Variants in RBFOX1 observed in about 807,000 individuals in gnomAD.
The protein encoded by RBFOX1 is RNA binding protein fox-1 homolog 1.
A neutral mutation model predicts 57.7 loss-of-function variants in RBFOX1; 8 were observed. The observed-to-expected ratio is 0.14, with a 90% confidence interval of 0.08 to 0.25. RBFOX1 has a LOEUF of 0.25. Among genes scored for constraint, RBFOX1 ranks in the 10% least tolerant of loss-of-function variants. RBFOX1 has a pLI of 1.00. For synonymous variants in RBFOX1, 326 were observed against 222.4 expected (o/e 1.47, Z -4.15); for missense variants, 611 against 548.5 (o/e 1.11, Z -1.14).
chr16:6,925,692 G>A (rs1011752133), intron 3 of RBFOX1, among the ~76,000 whole-genome samples: 1 of 151,896 alleles, frequency 6.6e-6, no homozygotes, highest in African/African-American at 2.4e-5. Flanking sequence ...TGATATTTGA[G>A]CAAGTATTTG....
At chr16:6,765,113 T>C (rs865780361) in intron 3 of RBFOX1, among the ~76,000 whole-genome samples, 1 of 151,972 alleles carries the variant, frequency 6.6e-6, no homozygotes, top group South Asian at 2.1e-4. Flanking sequence ...TGCTCTAGGC[T>C]GATGGAACAG....
chr16:6,913,946 A>G (rs1038403993), intron 3 of RBFOX1, among the ~76,000 whole-genome samples: 3 of 152,208 alleles, frequency 2.0e-5, no homozygotes, highest in Non-Finnish European at 4.4e-5. Flanking sequence ...AGGATATTAT[A>G]ATTATGGATG....
chr16:6,420,372 A>AT (rs1021464983), intron 2 of RBFOX1, among the ~76,000 whole-genome samples: 7 of 151,836 alleles, frequency 4.6e-5, no homozygotes, highest in African/African-American at 1.7e-4. Flanking sequence ...TTCATTTTTT[A>AT]TTTTTTTACA....
intron 1 of RBFOX1, among the ~76,000 whole-genome samples, chr16:6,267,828 T>G (rs769391613): frequency 6.6e-5 from 10 of 152,104 alleles, no homozygotes; most frequent in Non-Finnish European, 1.3e-4. Flanking sequence ...AGGTTGGACA[T>G]CCTGTGACAG....
chr16:5,362,197 C>T (rs1047906510), intron 1 of RBFOX1, among the ~76,000 whole-genome samples: 6 of 147,154 alleles, frequency 4.1e-5, no homozygotes, highest in Non-Finnish European at 7.5e-5. Flanking sequence ...GTCACTGAAA[C>T]TTTTTTTTTT....
intron 2 of RBFOX1, among the ~76,000 whole-genome samples, chr16:5,542,987 C>T (rs1359553473): frequency 6.6e-6 from 1 of 152,192 alleles, no homozygotes; most frequent in African/African-American, 2.4e-5. Flanking sequence ...TGGAAAACCT[C>T]ACAGTTTATA....
intron 3 of RBFOX1, among the ~76,000 whole-genome samples, chr16:6,911,198 G>T (rs1480493509): frequency 1.6e-5 from 1 of 61,434 alleles, no homozygotes; most frequent in African/African-American, 1.0e-4. Context: ...GTAAAATTGT[G>T]TCTCAAAAAA....
intron 1 of RBFOX1, among the ~76,000 whole-genome samples, chr16:6,303,163 C>G (rs1165111871): frequency 2.0e-5 from 3 of 152,138 alleles, no homozygotes; most frequent in Middle Eastern, 3.2e-3. Flanking sequence ...AGACCTTTCT[C>G]AGGTTGAAAT....
chr16:6,654,736 CGATGATGGT>C, intron 3 of RBFOX1, 86 bp downstream of exon 3: 1 of 1,004,610 alleles, frequency 1.0e-6, no homozygotes, highest in Non-Finnish European at 1.4e-6. Flanking sequence ...ATGCCCCTCT[CGATGATGGT>C]TTTTAGGTGA....
chr16:6,083,666 G>A (rs944629369), intron 1 of RBFOX1, among the ~76,000 whole-genome samples: 4 of 151,874 alleles, frequency 2.6e-5, no homozygotes, highest in African/African-American at 7.3e-5. Flanking sequence ...TTGTAGACAC[G>A]GGGTCTCACT....
chr16:7,143,942 G>A (rs1201432084), intron 4 of RBFOX1, among the ~76,000 whole-genome samples: 7 of 152,088 alleles, frequency 4.6e-5, no homozygotes, highest in Non-Finnish European at 7.4e-5. Flanking sequence ...GAATAATCTT[G>A]TTAGTTTTTT....
intron 2 of RBFOX1, among the ~76,000 whole-genome samples, chr16:6,486,896 T>C (rs1219710110): frequency 2.0e-5 from 3 of 152,138 alleles, no homozygotes; most frequent in Non-Finnish European, 2.9e-5. Flanking sequence ...AATTAAATCA[T>C]AGATAATCAG....
At chr16:7,504,771 TTATATATATATATATTTATATATATA>T (rs774439341) in intron 4 of RBFOX1, among the ~76,000 whole-genome samples, 1 of 49,848 alleles carries the variant, frequency 2.0e-5, no homozygotes, top group East Asian at 1.2e-3. Context: ...ATATATATAT[TTATATATATATATATTTATATATATA>T]TATATTTATA....
chr16:5,995,836 C>A (rs1043642163), intron 4 of RBFOX1, among the ~76,000 whole-genome samples: 2 of 152,134 alleles, frequency 1.3e-5, no homozygotes, highest in Non-Finnish European at 2.9e-5. Flanking sequence ...CCCATTTGGG[C>A]TACTGTAACA....
At chr16:7,378,979 C>T (rs746833010) in intron 4 of RBFOX1, among the ~76,000 whole-genome samples, 5 of 152,216 alleles carry the variant, frequency 3.3e-5, no homozygotes, top group Non-Finnish European at 7.3e-5. Flanking sequence ...CATTTAGAAT[C>T]TGGTGGACTG....
chr16:7,254,412 C>G (rs1393966566), intron 4 of RBFOX1, among the ~76,000 whole-genome samples: 1 of 152,118 alleles, frequency 6.6e-6, no homozygotes, highest in Non-Finnish European at 1.5e-5. Context: ...AAGCTGGAAT[C>G]TCCATTGCCA....
chr16:5,621,401 G>C (rs7189790), intron 3 of RBFOX1, among the ~76,000 whole-genome samples: 8,082 of 152,210 alleles, frequency 0.053, 710 homozygotes, highest in African/African-American at 0.18. Flanking sequence ...ACCCAGTGTA[G>C]GCCGTCAAAA....
intron 3 of RBFOX1, among the ~76,000 whole-genome samples, chr16:7,029,790 C>T (rs1168601258): frequency 6.6e-6 from 1 of 152,156 alleles, no homozygotes; most frequent in East Asian, 1.9e-4. Flanking sequence ...ATCTGATCTT[C>T]ACATGAATCT....
At chr16:6,853,393 A>G (rs1163843224) in intron 3 of RBFOX1, among the ~76,000 whole-genome samples, 1 of 152,136 alleles carries the variant, frequency 6.6e-6, no homozygotes, top group African/African-American at 2.4e-5. Context: ...GTTGAATTTT[A>G]GTTCGCAGAG....
Sources: gnomAD v4.1 joint callset for allele counts (sites outside exome capture counted in the v4.1 genomes callset) on GRCh38, gnomAD v4.1.1 for gene constraint, MANE v1.5 for transcripts, NCBI Gene and HGNC (gene_info 2026-07-23, HGNC 2026-07-21) for gene names.